Variants in HMBOX1 observed in about 807,000 individuals in gnomAD.
The protein encoded by HMBOX1 is homeobox containing 1.
A neutral mutation model predicts 54.5 loss-of-function variants in HMBOX1; 14 were observed. The ratio of observed to expected loss-of-function variants is 0.26; its 90% CI spans 0.17 to 0.40. The LOEUF (loss-of-function observed/expected upper bound fraction) is 0.40. Ranked by LOEUF, HMBOX1 falls within the 10% of genes least tolerant of loss-of-function variation. HMBOX1 has a pLI of 1.00. For missense variants in HMBOX1, 332 were observed against 514.4 expected, an observed-to-expected ratio of 0.65 and a Z score of 3.43; for synonymous variants, 160 against 181.0, an observed-to-expected ratio of 0.88 and a Z score of 0.93.
At chr8:29,038,276 A>G (rs879791880) in intron 6 of HMBOX1, among the ~76,000 whole-genome samples, 2 of 152,186 alleles carry the variant, frequency 1.3e-5, no homozygotes, top group Non-Finnish European at 1.5e-5. Flanking sequence ...TTGTCTGGCA[A>G]AAGATCATTT....
chr8:28,979,414 G>T (rs1015207418), intron 3 of HMBOX1, among the ~76,000 whole-genome samples: 2 of 152,172 alleles, frequency 1.3e-5, no homozygotes, highest in Non-Finnish European at 2.9e-5. Context: ...AGAATATTAT[G>T]TAGTTTTAAG....
chr8:28,996,565 CT>C (rs1831874804), intron 4 of HMBOX1, among the ~76,000 whole-genome samples: 1 of 152,112 alleles, frequency 6.6e-6, no homozygotes, highest in African/African-American at 2.4e-5. Flanking sequence ...GCTGGGTTGT[CT>C]TTTCACATTG....
intron 1 of HMBOX1, among the ~76,000 whole-genome samples, chr8:28,911,423 T>C (rs923180107): frequency 6.6e-5 from 10 of 152,218 alleles, no homozygotes; most frequent in African/African-American, 1.2e-4. Context: ...TGGCGCGATA[T>C]CAGCTCACTG....
intron 1 of HMBOX1, among the ~76,000 whole-genome samples, chr8:28,954,159 G>A (rs1823991717): frequency 6.6e-6 from 1 of 152,166 alleles, no homozygotes; most frequent in South Asian, 2.1e-4. Context: ...AATTGAAAGT[G>A]CCAATAATGT....
chr8:29,023,186 G>A (rs1801465209), intron 6 of HMBOX1, among the ~76,000 whole-genome samples: 1 of 152,086 alleles, frequency 6.6e-6, no homozygotes, highest in Admixed American at 6.6e-5. Context: ...AACCAAGATT[G>A]TCAGTGCAAA....
At chr8:28,934,744 T>C (rs1585906254) in intron 1 of HMBOX1, among the ~76,000 whole-genome samples, 1 of 151,374 alleles carries the variant, frequency 6.6e-6, no homozygotes, top group South Asian at 2.1e-4. Flanking sequence ...GCTAACACGG[T>C]GAAACCCCAT....
intron 1 of HMBOX1, among the ~76,000 whole-genome samples, chr8:28,954,711 TA>T (rs1406292131): frequency 6.6e-6 from 1 of 152,186 alleles, no homozygotes; most frequent in Non-Finnish European, 1.5e-5. Context: ...TCACAACAAT[TA>T]TACTGCTAGT....
At chr8:28,991,282 A>G (rs1028570601) in intron 4 of HMBOX1, among the ~76,000 whole-genome samples, 18 of 152,216 alleles carry the variant, frequency 1.2e-4, no homozygotes, top group Non-Finnish European at 1.9e-4. Context: ...CATGGCAGGA[A>G]TATTTTTCTC....
At chr8:28,892,069 A>G (rs1811120611) in intron 1 of HMBOX1, among the ~76,000 whole-genome samples, 1 of 152,062 alleles carries the variant, frequency 6.6e-6, no homozygotes, top group Admixed American at 6.5e-5. Flanking sequence ...TCTGTTGGAC[A>G]TAATACCGCC....
At chr8:28,892,529 T>G (rs1444097354) in intron 1 of HMBOX1, among the ~76,000 whole-genome samples, 1 of 152,204 alleles carries the variant, frequency 6.6e-6, no homozygotes, top group African/African-American at 2.4e-5. Flanking sequence ...ATTGAATATA[T>G]TCCCCAAACT....
At chr8:28,979,936 A>C in intron 3 of HMBOX1, 135 bp from the exon 4 acceptor site, 1 of 646,354 alleles carries the variant, frequency 1.5e-6, no homozygotes, top group Admixed American at 2.7e-5. Flanking sequence ...TTTTCACACA[A>C]GTTTGGTCTG....
intron 1 of HMBOX1, among the ~76,000 whole-genome samples, chr8:28,960,012 TTC>T (rs1391380984): frequency 6.6e-6 from 1 of 152,036 alleles, no homozygotes; most frequent in Non-Finnish European, 1.5e-5. Flanking sequence ...ACCAGTTTTT[TTC>T]TCTCTTTTCT....
At chr8:28,937,706 GAAGAATA>G (rs1360685126) in intron 1 of HMBOX1, among the ~76,000 whole-genome samples, 1 of 152,166 alleles carries the variant, frequency 6.6e-6, no homozygotes, top group Non-Finnish European at 1.5e-5. Context: ...AAAAGGAAGA[GAAGAATA>G]AACATGGCCA....
intron 6 of HMBOX1, chr8:29,042,744 A>T (rs772763847): frequency 8.8e-6 from 4 of 455,370 alleles, no homozygotes; most frequent in South Asian, 6.2e-5. Context: ...AGAAAAGCTA[A>T]ACAATCTAGT....
chr8:28,913,343 ATCT>A (rs549533644), intron 1 of HMBOX1, among the ~76,000 whole-genome samples: 7 of 152,108 alleles, frequency 4.6e-5, no homozygotes, highest in Non-Finnish European at 1.0e-4. Context: ...GTTCCAGCTA[ATCT>A]TCTTTAAGTT....
intron 1 of HMBOX1, among the ~76,000 whole-genome samples, chr8:28,934,700 C>T (rs1287494918): frequency 6.6e-6 from 1 of 151,558 alleles, no homozygotes; most frequent in Admixed American, 6.6e-5. Flanking sequence ...CTGAGGCGGG[C>T]GGATCACGAG....
chr8:28,908,375 T>G (rs1814739579), intron 1 of HMBOX1, among the ~76,000 whole-genome samples: 1 of 152,212 alleles, frequency 6.6e-6, no homozygotes, highest in Non-Finnish European at 1.5e-5. Flanking sequence ...TTGACATTAA[T>G]TATATATAGC....
chr8:28,949,178 TAGG>T (rs1469491916), intron 1 of HMBOX1, among the ~76,000 whole-genome samples: 1 of 152,248 alleles, frequency 6.6e-6, no homozygotes, highest in Admixed American at 6.5e-5. Flanking sequence ...ATGATGATGA[TAGG>T]AGACTCTGCA....
At chr8:29,016,627 GTC>G (rs1185778186) in intron 5 of HMBOX1, among the ~76,000 whole-genome samples, 1 of 152,250 alleles carries the variant, frequency 6.6e-6, no homozygotes. Context: ...AGAGGTTGCT[GTC>G]CAGCTGTCAG....
Sources: allele counts gnomAD v4.1 joint callset (sites outside exome capture counted in the v4.1 genomes callset), GRCh38; gene constraint gnomAD v4.1.1; transcripts MANE v1.5; gene names NCBI Gene and HGNC (gene_info 2026-07-23, HGNC 2026-07-21).